The following RMI1 variants were observed in gnomAD, a reference collection of about 807,000 sequenced individuals.
RMI1 encodes recQ-mediated genome instability protein 1.
RMI1 carries 36 observed loss-of-function variants against 46.7 expected under a neutral mutation model. The observed-to-expected ratio is 0.77, with a 90% CI of 0.59 to 1.02. The LOEUF (loss-of-function observed/expected upper bound fraction) is 1.02. Among genes scored for constraint, RMI1 ranks in the 50% least tolerant of loss-of-function variants. The pLI is 0.00. For missense variants in RMI1, 676 were observed against 713.7 expected, an observed-to-expected ratio of 0.95 and a Z score of 0.60; for synonymous variants, 250 against 252.9, an observed-to-expected ratio of 0.99 and a Z score of 0.11.
chr9:83,993,836 G>A (rs973705505), intron 1 of RMI1, among the ~76,000 whole-genome samples: 3 of 151,942 alleles, frequency 2.0e-5, no homozygotes, highest in Non-Finnish European at 4.4e-5. Flanking sequence ...CGCCCAGACT[G>A]GAGTGCAGTC....
intron 2 of RMI1, among the ~76,000 whole-genome samples, chr9:84,000,017 C>T (rs997876979): frequency 2.0e-5 from 3 of 152,164 alleles, no homozygotes; most frequent in African/African-American, 7.2e-5. Flanking sequence ...AGATGCTTTA[C>T]ATCTATCAGC....
rs1302688615 is a variant in RMI1, at chr9:84,001,144, T to C, written c.158T>C (p.Phe53Ser). 6 of 1,614,026 alleles carry C rather than the reference T, an allele frequency of 3.7e-6. No homozygotes were observed. The highest frequency in any genetic ancestry group is 1.3e-5 in the African/African-American group (1 of 74,932). ...CAGGCCCAAATGAATAAACAAGTGT[T>C]TGAGCAGTGGCTCCTTACTGATCTG... ...LSQAQMNKQVFEQWLLTDLRD... is the reference protein window; with the variant it reads ...LSQAQMNKQVSEQWLLTDLRD... Residue 53 changes from phenylalanine to serine, a missense_variant, in exon 3 of 3, where the codon TTT (phenylalanine) becomes TCT (serine). Transcript: ENST00000445877.
At chr9:83,987,395 T>A (rs1270269834) in intron 1 of RMI1, among the ~76,000 whole-genome samples, 2 of 152,228 alleles carry the variant, frequency 1.3e-5, no homozygotes, top group Non-Finnish European at 2.9e-5. Context: ...TCTGCTCCTT[T>A]TGTGCCTTCT....
At chr9:83,991,557 A>G (rs1313082229) in intron 1 of RMI1, among the ~76,000 whole-genome samples, 2 of 152,096 alleles carry the variant, frequency 1.3e-5, no homozygotes, top group African/African-American at 2.4e-5. Flanking sequence ...TCCTCAGGTG[A>G]TGCTCCCACC....
intron 1 of RMI1, among the ~76,000 whole-genome samples, chr9:83,982,685 CA>C (rs397967393): frequency 2.0e-4 from 28 of 143,424 alleles, no homozygotes; most frequent in South Asian, 8.9e-4. Context: ...AAAACAAAAA[CA>C]AAAAAAAAAA....
chr9:83,995,197 A>G (rs1564082585), intron 1 of RMI1, among the ~76,000 whole-genome samples: 1 of 151,832 alleles, frequency 6.6e-6, no homozygotes, highest in Non-Finnish European at 1.5e-5. Context: ...ATGGGGTTTC[A>G]CCATTGTTGG....
At chr9:83,993,355 C>T (rs540257600) in intron 1 of RMI1, among the ~76,000 whole-genome samples, 1 of 152,248 alleles carries the variant, frequency 6.6e-6, no homozygotes, top group East Asian at 1.9e-4. Context: ...ACTGAACATT[C>T]CATGGTATGT....
chr9:83,983,012 A>G (rs1287437516), intron 1 of RMI1, among the ~76,000 whole-genome samples: 1 of 152,174 alleles, frequency 6.6e-6, no homozygotes. Flanking sequence ...ATCACTTTGG[A>G]CTCAGTGAAT....
chr9:84,002,961 A>C lies in RMI1; in HGVS notation c.*97A>C. On this transcript the variant is annotated 3_prime_UTR_variant, in exon 3 of 3. Coordinates refer to ENST00000445877, the MANE Select transcript of RMI1 (RefSeq NM_001358291.2). Reference sequence around the variant, plus strand: ...TATGATACTTTGTGTAAAAAGGAAAAATGAAATTTCATAGCTTATTTCAGT... The same window carrying C: ...TATGATACTTTGTGTAAAAAGGAAACATGAAATTTCATAGCTTATTTCAGT... 1.4e-6 allele frequency: 1 copy of C among 734,924 alleles called. No individual in the cohort carries two copies. Among genetic ancestry groups the C allele is most frequent in the Non-Finnish European group, 2.1e-6 (1 of 472,022 alleles). 45.5% of individuals were successfully genotyped at this position (734,924 alleles called of 1,614,324 possible). A position where few individuals can be genotyped will look rare whatever the true frequency, so the allele number is the denominator to read the frequency against.
rs536962485 is a variant in RMI1, at chr9:83,995,322, T to C, written c.-125-4387T>C. On this transcript the variant is annotated intron_variant, in intron 1 of 2. Transcript: ENST00000445877. The stretch of plus-strand genomic sequence containing the variant: ...CTCAACCATTACTTTTTAAAAAACA[T>C]TTCCTTCACCTCTTCTATTTTTTCT... Among the ~76,000 whole-genome samples the C allele has an allele frequency of 2.6e-5, 4 of 151,308 alleles. No individual in the cohort carries two copies. In the East Asian group the frequency reaches 7.8e-4, roughly 30 times the overall value.
chr9:83,994,184 A>G (rs58090060), intron 1 of RMI1, among the ~76,000 whole-genome samples: 5,106 of 152,184 alleles, frequency 0.034, 264 homozygotes, highest in African/African-American at 0.11. Context: ...TTCTTTACAT[A>G]TTCTGGGTAA....
chr9:83,984,904 A>T (rs1048929410), intron 1 of RMI1, among the ~76,000 whole-genome samples: 38 of 152,194 alleles, frequency 2.5e-4, no homozygotes. Flanking sequence ...AGTTTTCCAA[A>T]TTTATTATTA....
intron 1 of RMI1, among the ~76,000 whole-genome samples, chr9:83,996,252 T>C (rs545975093): frequency 1.3e-5 from 2 of 152,378 alleles, no homozygotes; most frequent in Admixed American, 6.5e-5. Context: ...ACGTGTGTTA[T>C]ATGTGTTATG....
At chr9:83,986,798 C>G (rs1348635927) in intron 1 of RMI1, among the ~76,000 whole-genome samples, 6 of 152,170 alleles carry the variant, frequency 3.9e-5, no homozygotes, top group Non-Finnish European at 7.3e-5. Context: ...TCTGTCCAGC[C>G]TTGACCTTTT....
intron 1 of RMI1, among the ~76,000 whole-genome samples, chr9:83,996,869 A>G (rs908065503): frequency 5.3e-5 from 8 of 152,088 alleles, no homozygotes; most frequent in Non-Finnish European, 1.0e-4. Flanking sequence ...GAGAGGGAGA[A>G]GGTGCCACAC....
chr9:83,995,974 A>C (rs906024939), intron 1 of RMI1, among the ~76,000 whole-genome samples: 35 of 152,326 alleles, frequency 2.3e-4, no homozygotes, highest in Middle Eastern at 6.8e-3. Flanking sequence ...GAGATAAAAA[A>C]AAAATTAAGA....
intron 1 of RMI1, among the ~76,000 whole-genome samples, chr9:83,989,676 A>AAT (rs759878256): frequency 8.1e-6 from 1 of 123,688 alleles, no homozygotes; most frequent in Non-Finnish European, 1.7e-5. Flanking sequence ...ACAAAAAAAA[A>AAT]AATAAAATAA....
At chr9:83,980,628 A>G (rs1957351646), upstream of RMI1, 2 of 153,018 alleles carry the variant, frequency 1.3e-5, no homozygotes. Context: ...TCGCGCACTC[A>G]CTAGCTGGGG....
intron 1 of RMI1, among the ~76,000 whole-genome samples, chr9:83,990,373 G>C (rs905605651): frequency 6.6e-6 from 1 of 152,086 alleles, no homozygotes; most frequent in Non-Finnish European, 1.5e-5. Flanking sequence ...TTAGCCATGC[G>C]TGGTGGTACG....
Sources: gnomAD v4.1 joint callset for allele counts (sites outside exome capture counted in the v4.1 genomes callset) on GRCh38, gnomAD v4.1.1 for gene constraint, MANE v1.5 for transcripts, NCBI Gene and HGNC (gene_info 2026-07-23, HGNC 2026-07-21) for gene names.